Variants in KATNB1 observed in about 807,000 individuals in gnomAD.
KATNB1 encodes the protein katanin regulatory subunit B1, also known as katanin p80 WD40 repeat-containing subunit B1.
Under a neutral mutation model 82.3 loss-of-function variants are expected in KATNB1, and 38 were observed. The observed-to-expected ratio is 0.46, with a 90% CI of 0.36 to 0.61. The LOEUF is 0.61. Ranked by LOEUF, KATNB1 falls within the 20% of genes least tolerant of loss-of-function variation. The pLI is 0.00. For missense variants in KATNB1, 749 were observed against 915.7 expected (o/e 0.82, Z 2.35); for synonymous variants, 361 against 368.7 (o/e 0.98, Z 0.24).
chr16:57,751,013 G>C lies in KATNB1; in HGVS notation c.390+86G>C, dbSNP rs967209504. The C allele has an allele frequency of 4.6e-4, 510 of 1,120,732 alleles. 7 individuals carry two copies. In the Admixed American group the frequency reaches 8.9e-3, roughly 20 times the overall value. The allele number at this position is 1,120,732 out of a possible 1,614,324, so 69.4% of individuals were successfully genotyped here. A position where few individuals can be genotyped will look rare whatever the true frequency, so the allele number is the denominator to read the frequency against. On this transcript the variant is annotated intron_variant, in intron 5 of 19. Transcript: ENST00000379661. The surrounding 1 kb of genome is among the most constrained non-coding windows in gnomAD (Gnocchi z 6.3). ...CGGCCCTCAGTGCTGGATGCCTGCT[G>C]AGGGGACCTCTTCCCTTTCTGCAGC... is the stretch of plus-strand genomic sequence containing the variant.
At chr16:57,750,503 G>A (rs1354905325) in intron 4 of KATNB1, among the ~76,000 whole-genome samples, 3 of 152,128 alleles carry the variant, frequency 2.0e-5, no homozygotes, top group Admixed American at 2.0e-4. Context: ...GCACATGCTT[G>A]TAATCCCAGC....
chr16:57,750,000 C>T (rs2049213056), intron 4 of KATNB1, among the ~76,000 whole-genome samples: 1 of 152,196 alleles, frequency 6.6e-6, no homozygotes, highest in Admixed American at 6.5e-5. Context: ...GGGCCTTTGC[C>T]CATCACCTCC....
In KATNB1 at chr16:57,753,974, T is replaced by G; in HGVS notation, c.1207T>G (p.Phe403Val). The change falls in exon 13 of 20, where the codon TTC becomes GTC. Residue 403 changes from phenylalanine (F) to valine (V), a missense_variant. Transcript: ENST00000379661. ...SRTPPRRSEP[F>V]PAPPEDDAAT... ...GACGCCACCCCGGAGAAGTGAGCCCTTCCCTGCACCCCCAGAGGACGGTGA... is the reference window on the plus strand; with the variant it reads ...GACGCCACCCCGGAGAAGTGAGCCCGTCCCTGCACCCCCAGAGGACGGTGA... The G allele has an allele frequency of 6.2e-7, 1 of 1,613,596 alleles. No homozygotes were observed. Among genetic ancestry groups the G allele is most frequent in the Middle Eastern group, 1.7e-4 (1 of 6,058 alleles).
intron 13 of KATNB1, among the ~76,000 whole-genome samples, 199 bp downstream of exon 13, chr16:57,754,194 GC>G (rs1431594811): frequency 6.6e-6 from 1 of 152,140 alleles, no homozygotes; most frequent in Non-Finnish European, 1.5e-5. Context: ...CCCCGTAGGA[GC>G]CTGTGCCCTG....
chr16:57,745,706 G>A (rs1183597597), intron 4 of KATNB1, among the ~76,000 whole-genome samples: 4 of 152,088 alleles, frequency 2.6e-5, no homozygotes, highest in African/African-American at 9.7e-5. Context: ...TCAATAGGTG[G>A]TGTTTATAAT....
At chr16:57,752,969 G>A (rs1267701196) in intron 10 of KATNB1, 41 bp downstream of exon 10, 3 of 1,596,864 alleles carry the variant, frequency 1.9e-6, no homozygotes, top group Non-Finnish European at 2.5e-6. Context: ...ACTCCCACAG[G>A]GCCACCCGCC....
chr16:57,738,765 A>G, intron 2 of KATNB1, among the ~76,000 whole-genome samples: 1 of 152,142 alleles, frequency 6.6e-6, no homozygotes, highest in South Asian at 2.1e-4. Context: ...GGGATTACGT[A>G]TTCATCCCTT....
intron 4 of KATNB1, among the ~76,000 whole-genome samples, chr16:57,747,475 G>A (rs1221095965): frequency 1.3e-5 from 2 of 152,192 alleles, no homozygotes; most frequent in Non-Finnish European, 1.5e-5. Flanking sequence ...AAAGATGCAC[G>A]CAGCCTCTTC....
chr16:57,747,505 G>T (rs1347754538), intron 4 of KATNB1, among the ~76,000 whole-genome samples: 1 of 152,192 alleles, frequency 6.6e-6, no homozygotes, highest in African/African-American at 2.4e-5. Flanking sequence ...TGCCTACTCA[G>T]TGATGGTCAG....
At chr16:57,754,109 A>G (rs2049255429) in intron 13 of KATNB1, 114 bp downstream of exon 13, 18 of 864,630 alleles carry the variant, frequency 2.1e-5, no homozygotes, top group Non-Finnish European at 3.4e-5. Context: ...CTCTCAGGAC[A>G]CGACCCACAC....
rs782246197 is a variant in KATNB1 at position 57,751,673 on chromosome 16, C to T, written c.465C>T (p.Phe155=). 18 of 1,611,498 alleles carry T rather than the reference C, an allele frequency of 1.1e-5. No homozygotes were observed. In the Admixed American group the frequency reaches 2.8e-4, roughly 25 times the overall value. ...GCCAGGCCGTGCGGTGTCTCCGGTT[C>T]AGCCCCGATGGGAAGTGGTTGGCGT... ...GHSQAVRCLR[F]SPDGKWLASA... The change falls in exon 7 of 20, where the codon TTC becomes TTT. Residue 155 remains phenylalanine, a synonymous_variant. Coordinates refer to ENST00000379661, the MANE Select transcript of KATNB1 (RefSeq NM_005886.3). The surrounding 1 kb of genome is among the most constrained non-coding windows in gnomAD (Gnocchi z 6.3).
At chr16:57,745,576 A>AG (rs1555581219) in intron 4 of KATNB1, among the ~76,000 whole-genome samples, 1 of 151,716 alleles carries the variant, frequency 6.6e-6, no homozygotes. Context: ...AAAAAAAAAA[A>AG]AAAGTTAACA....
In KATNB1 at chr16:57,750,247, G is replaced by A. The variant is rs111526342; in HGVS notation, c.290-580G>A. On this transcript the variant is annotated intron_variant, in intron 4 of 19. Coordinates refer to ENST00000379661, the MANE Select transcript of KATNB1 (RefSeq NM_005886.3). ...GTGGTGGTTCCCTGGTTCTGCTTCC[G>A]CTGGAGCACAGTCTGTGGGGAGAGT... Among the ~76,000 whole-genome samples, 381 of 152,306 alleles carry A rather than the reference G, an allele frequency of 2.5e-3. 2 individuals carry two copies. The highest frequency in any genetic ancestry group is 8.5e-3 in the African/African-American group (352 of 41,554).
intron 2 of KATNB1, among the ~76,000 whole-genome samples, chr16:57,738,929 G>A (rs16959327): frequency 0.19 from 28,390 of 151,402 alleles, 2,894 homozygotes; most frequent in Non-Finnish European, 0.19. Flanking sequence ...GTTGCAAGCT[G>A]GTGCCTGTGC....
At chr16:57,756,705 G>C in intron 19 of KATNB1, 109 bp from the exon 20 acceptor site, 1 of 1,430,970 alleles carries the variant, frequency 7.0e-7, no homozygotes, top group Non-Finnish European at 9.2e-7. Flanking sequence ...CTGGGCCTCC[G>C]CCTTCCCTTG....
intron 4 of KATNB1, among the ~76,000 whole-genome samples, chr16:57,747,220 G>A (rs561737545): frequency 3.5e-4 from 54 of 152,294 alleles, no homozygotes; most frequent in East Asian, 2.7e-3. Context: ...GGATCATCCC[G>A]CGTGCCAGGC....
rs1555583368 is a variant in KATNB1, at chr16:57,751,944, G to C, written c.521G>C (p.Trp174Ser). Residue 174 changes from tryptophan (W) to serine (S), a missense_variant, in exon 8 of 20, where the codon TGG becomes TCG. Trp to Ser is a radical substitution (Grantham distance 177). This residue lies in a region of KATNB1 where 247 missense variants were observed against 349.4 expected (regional missense o/e 0.71). Coordinates refer to ENST00000379661, the MANE Select transcript of KATNB1 (RefSeq NM_005886.3). This position sits in a 1 kb window ranked among gnomAD's most constrained non-coding sequence, Gnocchi z 6.3. The stretch of plus-strand genomic sequence containing the variant: ...TCCTCCCTGCCCTGCCTCCAGCTCT[G>C]GGATCTCACTGCCGGCAAGATGATG... ...SAADDHTVKL[W>S]DLTAGKMMSE... 6.2e-7 allele frequency: 1 copy of C among 1,612,936 alleles called. No individual in the cohort carries two copies. Among genetic ancestry groups the C allele is most frequent in the South Asian group, 1.1e-5 (1 of 91,000 alleles).
chr16:57,742,808 C>T lies in KATNB1; in HGVS notation c.171+991C>T, dbSNP rs549721365. Among the ~76,000 whole-genome samples the T allele has an allele frequency of 5.9e-5, 9 of 152,306 alleles. 1 individual carries two copies. In the South Asian group the frequency reaches 1.2e-3, roughly 21 times the overall value. On this transcript the variant is annotated intron_variant, in intron 3 of 19. Transcript: ENST00000379661. ...AGCCACCTAGATCCTTGAGCAGATC[C>T]GTGATCACTGCATTCAATCCAAGGG...
chr16:57,752,615 G>T lies in KATNB1; in HGVS notation c.704+14G>T, dbSNP rs782096445. 3.1e-5 allele frequency: 48 copies of T among 1,557,808 alleles called. No individual in the cohort carries two copies. In the South Asian group the frequency reaches 5.0e-4, roughly 16 times the overall value. On this transcript the variant is annotated intron_variant, in intron 9 of 19. Transcript: ENST00000379661. ...TGGGCCCGTCAGGTACGCAGGCTGT[G>T]GGGTGGGCGGCCCAGCGCTCCTCCC...
Sources: allele counts gnomAD v4.1 joint callset (sites outside exome capture counted in the v4.1 genomes callset), GRCh38; gene constraint gnomAD v4.1.1; regional missense constraint gnomAD v4.1.1; non-coding constraint Gnocchi (gnomAD v3.1); transcripts MANE v1.5; gene names NCBI Gene and HGNC (gene_info 2026-07-23, HGNC 2026-07-21).